KCNT2: variants seen among roughly 807,000 people sequenced by gnomAD.
The protein encoded by KCNT2 is potassium channel subfamily T member 2.
Under a neutral mutation model 153.8 loss-of-function variants are expected in KCNT2, and 67 were observed. That is an observed-to-expected ratio of 0.44 (90% CI 0.36 to 0.53). The LOEUF (loss-of-function observed/expected upper bound fraction) is 0.53. Among genes scored for constraint, KCNT2 ranks in the 20% least tolerant of loss-of-function variants. The pLI, the probability that KCNT2 is intolerant of heterozygous loss-of-function variation, is 0.00. For missense variants in KCNT2, 975 were observed against 1,354.8 expected (o/e 0.72, Z 4.40); for synonymous variants, 500 against 458.8 (o/e 1.09, Z -1.15).
At chr1:196,561,697 A>G (rs1225392235) in intron 1 of KCNT2, among the ~76,000 whole-genome samples, 1 of 146,700 alleles carries the variant, frequency 6.8e-6, no homozygotes, top group Non-Finnish European at 1.5e-5. Context: ...GAAAGAATAG[A>G]AGAACAGAAA....
intron 25 of KCNT2, among the ~76,000 whole-genome samples, chr1:196,268,683 G>A (rs1367264040): frequency 6.6e-6 from 1 of 151,988 alleles, no homozygotes. Flanking sequence ...TTTTTCCCTA[G>A]CAGGAAGTTT....
At chr1:196,606,266 T>C (rs1665311115) in intron 1 of KCNT2, among the ~76,000 whole-genome samples, 1 of 152,192 alleles carries the variant, frequency 6.6e-6, no homozygotes, top group Non-Finnish European at 1.5e-5. Context: ...ACTCAGCTAG[T>C]GAAGGAAACA....
intron 14 of KCNT2, among the ~76,000 whole-genome samples, chr1:196,361,003 G>T (rs1667571019): frequency 6.6e-6 from 1 of 152,010 alleles, no homozygotes; most frequent in Non-Finnish European, 1.5e-5. Flanking sequence ...GAAAGGGAAT[G>T]ATATGGGATA....
chr1:196,425,817 C>T, intron 11 of KCNT2, 35 bp downstream of exon 11: 1 of 1,606,820 alleles, frequency 6.2e-7, no homozygotes, highest in Non-Finnish European at 8.5e-7. Context: ...TCACTCAAAA[C>T]TGTAAGCTGC....
chr1:196,256,241 C>T (rs1033230416), intron 26 of KCNT2, among the ~76,000 whole-genome samples: 1 of 151,854 alleles, frequency 6.6e-6, no homozygotes, highest in Non-Finnish European at 1.5e-5. Flanking sequence ...CCTGGTACCA[C>T]TGAGCCATTT....
At chr1:196,463,626 C>A (rs777280453) in intron 8 of KCNT2, among the ~76,000 whole-genome samples, 1 of 151,410 alleles carries the variant, frequency 6.6e-6, no homozygotes, top group Non-Finnish European at 1.5e-5. Flanking sequence ...CACAAAACAA[C>A]AAAACAATAA....
At chr1:196,599,279 A>C (rs1664442098) in intron 1 of KCNT2, among the ~76,000 whole-genome samples, 1 of 152,218 alleles carries the variant, frequency 6.6e-6, no homozygotes, top group Non-Finnish European at 1.5e-5. Flanking sequence ...CAGGGAGTTA[A>C]ATGAGGTTGA....
chr1:196,332,790 T>TG (rs1399900846), intron 17 of KCNT2, among the ~76,000 whole-genome samples: 5 of 151,590 alleles, frequency 3.3e-5, no homozygotes, highest in Non-Finnish European at 7.4e-5. Context: ...GGCTAGTTTT[T>TG]TTTTTTTTTT....
chr1:196,388,147 T>C (rs1311182582), intron 13 of KCNT2, among the ~76,000 whole-genome samples: 1 of 151,750 alleles, frequency 6.6e-6, no homozygotes, highest in Non-Finnish European at 1.5e-5. Flanking sequence ...GATATAAAGT[T>C]GATCCTGAAC....
At chr1:196,283,624 C>T (rs1447149478) in intron 23 of KCNT2, among the ~76,000 whole-genome samples, 3 of 151,962 alleles carry the variant, frequency 2.0e-5, no homozygotes, top group Non-Finnish European at 4.4e-5. Context: ...GAAAATAATT[C>T]CCAATCATTC....
intron 21 of KCNT2, among the ~76,000 whole-genome samples, chr1:196,307,420 C>T (rs917792245): frequency 2.6e-5 from 4 of 152,054 alleles, no homozygotes; most frequent in Non-Finnish European, 5.9e-5. Context: ...GAATCATTCT[C>T]TCCAGTTTGG....
intron 13 of KCNT2, among the ~76,000 whole-genome samples, chr1:196,382,726 T>C (rs997837149): frequency 6.6e-6 from 1 of 152,158 alleles, no homozygotes; most frequent in African/African-American, 2.4e-5. Flanking sequence ...AGTTTTCATG[T>C]ATTGGCTTCC....
intron 4 of KCNT2, among the ~76,000 whole-genome samples, chr1:196,479,581 AT>A (rs1005383822): frequency 5.9e-5 from 9 of 152,036 alleles, no homozygotes; most frequent in East Asian, 3.9e-4. Flanking sequence ...TCGTTTTAAA[AT>A]TTTTTTTAAA....
chr1:196,258,748 A>G, intron 25 of KCNT2: 1 of 462,028 alleles, frequency 2.2e-6, no homozygotes, highest in Non-Finnish European at 3.9e-6. Context: ...AAAGTATTTA[A>G]TTTTTAGGCA....
At chr1:196,482,414 A>G in intron 3 of KCNT2, 35 bp from the exon 4 acceptor site, 2 of 1,175,224 alleles carry the variant, frequency 1.7e-6, no homozygotes, top group Non-Finnish European at 2.4e-6. Context: ...AGTTTTTTAA[A>G]ATATGAAAAA....
chr1:196,334,487 C>CTTTCTTTTTTTTTTTTT (rs1553288400), intron 16 of KCNT2, among the ~76,000 whole-genome samples: 1 of 87,264 alleles, frequency 1.1e-5, no homozygotes, highest in Non-Finnish European at 2.2e-5. Flanking sequence ...TTCTTTCTTT[C>CTTTCTTTTTTTTTTTTT]TTTTTTTTTT....
chr1:196,513,785 T>A (rs910523376), intron 1 of KCNT2, among the ~76,000 whole-genome samples: 5 of 152,136 alleles, frequency 3.3e-5, no homozygotes, highest in Non-Finnish European at 5.9e-5. Context: ...ATGATCTATA[T>A]CCTCCAAATG....
intron 14 of KCNT2, among the ~76,000 whole-genome samples, chr1:196,371,405 T>C (rs1401684152): frequency 2.0e-5 from 3 of 151,832 alleles, no homozygotes; most frequent in Non-Finnish European, 4.4e-5. Flanking sequence ...CTTTATGTGG[T>C]TCTGGAATCA....
rs556700987 is a variant in KCNT2 at position 196,585,885 on chromosome 1, TA to T, written c.95+22329del. On this transcript the variant is annotated intron_variant, in intron 1 of 27. Transcript: ENST00000294725. ...TTTATAGCCCATCAGTTACATTTTATAGAGGCAATAAACATAAATGAAACTT... is the reference window on the plus strand; with the variant it reads ...TTTATAGCCCATCAGTTACATTTTATGAGGCAATAAACATAAATGAAACTT... Among the ~76,000 whole-genome samples, 248 of 152,264 alleles carry T rather than the reference TA, an allele frequency of 1.6e-3. 1 individual carries two copies. Among genetic ancestry groups the T allele is most frequent in the Non-Finnish European group, 2.0e-3 (137 of 68,000 alleles).
Sources: allele counts gnomAD v4.1 joint callset (sites outside exome capture counted in the v4.1 genomes callset), GRCh38; gene constraint gnomAD v4.1.1; transcripts MANE v1.5; gene names NCBI Gene and HGNC (gene_info 2026-07-23, HGNC 2026-07-21).